Variants in RADIL observed in about 807,000 individuals in gnomAD.
RADIL encodes Rap associating with DIL domain, also known as ras-associating and dilute domain-containing protein.
A neutral mutation model predicts 97.6 loss-of-function variants in RADIL; 99 were observed. The ratio of observed to expected loss-of-function variants is 1.01; its 90% CI spans 0.86 to 1.20. The LOEUF (loss-of-function observed/expected upper bound fraction) is 1.20, where lower values mean the gene tolerates loss of function less well. Ranked by LOEUF, RADIL falls within the 50% of genes most tolerant of loss-of-function variation. RADIL has a pLI of 0.00. For missense variants in RADIL, 1,765 were observed against 1,498.9 expected (o/e 1.18, Z -2.93); for synonymous variants, 803 against 691.8 (o/e 1.16, Z -2.52).
rs1362984892 is a variant in RADIL at position 4,835,630 on chromosome 7, A to C, written c.784-391T>G. On this transcript the variant is annotated intron_variant, in intron 3 of 14. Coordinates refer to ENST00000399583, the MANE Select transcript of RADIL (RefSeq NM_018059.5). The surrounding 1 kb of genome is among the most constrained non-coding windows in gnomAD (Gnocchi z 5.8). ...CCGCCTGTGTGGGAGCACCACCCCC[A>C]GTGTGGGAGCACTGCCGCCTGTGTG... Among the ~76,000 whole-genome samples the C allele has an allele frequency of 6.6e-6, 1 of 151,190 alleles. No individual in the cohort carries two copies. The highest frequency in any genetic ancestry group is 2.4e-5 in the African/African-American group (1 of 40,848).
chr7:4,849,728 G>A lies in RADIL; in HGVS notation c.536-13123C>T, dbSNP rs577363500. On this transcript the variant is annotated intron_variant, in intron 2 of 14. Transcript: ENST00000399583. The surrounding 1 kb of genome is among the most constrained non-coding windows in gnomAD (Gnocchi z 5.4). Reference sequence around the variant, plus strand: ...TGTGTGGGGAGTGTGGACAGGGACGGCTCTCATTTGAAAAGACTTAGAATC... The same window carrying A: ...TGTGTGGGGAGTGTGGACAGGGACGACTCTCATTTGAAAAGACTTAGAATC... 6.6e-6 allele frequency among the ~76,000 whole-genome samples: 1 copy of A among 152,226 alleles called. No homozygotes were observed. The highest frequency in any genetic ancestry group is 6.5e-5 in the Admixed American group (1 of 15,284).
chr7:4,878,271 C>G lies in RADIL; in HGVS notation c.-64-68G>C. Reference sequence around the variant, plus strand: ...CACCAAGAGCAAATGAGGCCACAGGCGGTGACTCCTGCCCGTCATCCCAGC... The same window carrying G: ...CACCAAGAGCAAATGAGGCCACAGGGGGTGACTCCTGCCCGTCATCCCAGC... On this transcript the variant is annotated intron_variant, in intron 1 of 14. Transcript: ENST00000399583. The surrounding 1 kb of genome is among the most constrained non-coding windows in gnomAD (Gnocchi z 4.1). The G allele has an allele frequency of 1.9e-6, 2 of 1,033,806 alleles. No homozygotes were observed. The highest frequency in any genetic ancestry group is 2.7e-6 in the Non-Finnish European group (2 of 736,720). The allele number at this position is 1,033,806 out of a possible 1,614,324, so 64.0% of individuals were successfully genotyped here. A position where few individuals can be genotyped will look rare whatever the true frequency, so the allele number is the denominator to read the frequency against.
At chr7:4,844,698 G>A (rs1399823624) in intron 2 of RADIL, among the ~76,000 whole-genome samples, 1 of 151,956 alleles carries the variant, frequency 6.6e-6, no homozygotes, top group Non-Finnish European at 1.5e-5. Flanking sequence ...CCACCTAACT[G>A]GGCTCAAGCA....
At chr7:4,864,592 G>A (rs933050094) in intron 2 of RADIL, among the ~76,000 whole-genome samples, 6 of 152,160 alleles carry the variant, frequency 3.9e-5, no homozygotes, top group Non-Finnish European at 7.3e-5. Flanking sequence ...TTCTCTCTCA[G>A]TAGTCTCCAT....
rs551110200 is a variant in RADIL at position 4,830,182 on chromosome 7, G to A, written c.1454+1959C>T. On this transcript the variant is annotated intron_variant, in intron 5 of 14. Transcript: ENST00000399583. ...CCATATCACAGACACTGTGCTAGGTGCTTTTTCCCAACATTGTCTTGGATT... is the reference window on the plus strand; with the variant it reads ...CCATATCACAGACACTGTGCTAGGTACTTTTTCCCAACATTGTCTTGGATT... Among the ~76,000 whole-genome samples, 9 of 152,330 alleles carry A rather than the reference G, an allele frequency of 5.9e-5. No individual in the cohort carries two copies. In the South Asian group the frequency reaches 1.9e-3, roughly 32 times the overall value.
chr7:4,814,084 C>G lies in RADIL; in HGVS notation c.2139+1194G>C, dbSNP rs1363768751. On this transcript the variant is annotated intron_variant, in intron 9 of 14. Transcript: ENST00000399583. The surrounding 1 kb of genome is among the most constrained non-coding windows in gnomAD (Gnocchi z 4.5). ...CATGAGCCACCGTGCCTGGCCGAGT[C>G]AGCTTTCTTCAATCTGCTAAGGCAG... is the stretch of plus-strand genomic sequence containing the variant. 6.6e-6 allele frequency among the ~76,000 whole-genome samples: 1 copy of G among 152,150 alleles called. No individual in the cohort carries two copies. The highest frequency in any genetic ancestry group is 1.5e-5 in the Non-Finnish European group (1 of 68,034).
At chr7:4,804,357 C>G (rs1341163277) in intron 10 of RADIL, among the ~76,000 whole-genome samples, 1 of 152,250 alleles carries the variant, frequency 6.6e-6, no homozygotes, top group African/African-American at 2.4e-5. Flanking sequence ...GAGATGTTCT[C>G]CACGGTGACC....
intron 2 of RADIL, chr7:4,860,164 A>C: frequency 9.9e-6 from 16 of 1,614,006 alleles, no homozygotes; most frequent in Non-Finnish European, 1.4e-5. Context: ...GAGAACTGCT[A>C]ATCAATGGGC....
intron 9 of RADIL, among the ~76,000 whole-genome samples, chr7:4,812,994 ACT>A (rs1428700940): frequency 1.3e-5 from 2 of 152,174 alleles, no homozygotes; most frequent in East Asian, 3.9e-4. Flanking sequence ...TTGCCAATGA[ACT>A]TAATGCTGAG....
intron 9 of RADIL, among the ~76,000 whole-genome samples, chr7:4,812,535 C>T (rs959252056): frequency 7.9e-5 from 12 of 152,308 alleles, no homozygotes; most frequent in Non-Finnish European, 1.5e-4. Flanking sequence ...GATTCTCCTG[C>T]CTCAGCCTCC....
chr7:4,853,124 T>A (rs4720431), intron 2 of RADIL, among the ~76,000 whole-genome samples: 1 of 151,852 alleles, frequency 6.6e-6, no homozygotes, highest in Non-Finnish European at 1.5e-5. Flanking sequence ...TGGGTGTAGC[T>A]ATGGATCACT....
At chr7:4,820,703 C>T (rs919054761) in intron 6 of RADIL, among the ~76,000 whole-genome samples, 9 of 152,152 alleles carry the variant, frequency 5.9e-5, no homozygotes, top group African/African-American at 1.7e-4. Context: ...CCCCCAGGAG[C>T]GGGGGCCCCA....
At position 4,832,098 on chromosome 7, in the gene RADIL, A is replaced by G. The variant is rs751542797; in HGVS notation, c.1454+43T>C. 50 of 1,605,402 alleles carry G rather than the reference A, an allele frequency of 3.1e-5. No homozygotes were observed. In the African/African-American group the frequency reaches 5.9e-4, roughly 19 times the overall value. The stretch of plus-strand genomic sequence containing the variant: ...CCCCCGGGAAGTGTGAGCCCCCAGG[A>G]CCTGCTGCCCAGAGGCGGGCACAAT... On this transcript the variant is annotated intron_variant, in intron 5 of 14. Transcript: ENST00000399583.
chr7:4,813,866 T>C lies in RADIL; in HGVS notation c.2139+1412A>G, dbSNP rs1349684831. On this transcript the variant is annotated intron_variant, in intron 9 of 14. Coordinates refer to ENST00000399583, the MANE Select transcript of RADIL (RefSeq NM_018059.5). This position sits in a 1 kb window ranked among gnomAD's most constrained non-coding sequence, Gnocchi z 5.0. ...TTTTAGCCCCATCTTGACATCGGTGTCCAGAGGTACCTGGTGCCACCAATT... is the reference window on the plus strand; with the variant it reads ...TTTTAGCCCCATCTTGACATCGGTGCCCAGAGGTACCTGGTGCCACCAATT... Among the ~76,000 whole-genome samples the C allele has an allele frequency of 6.6e-6, 1 of 152,214 alleles. No homozygotes were observed. The highest frequency in any genetic ancestry group is 1.5e-5 in the Non-Finnish European group (1 of 68,038).
intron 5 of RADIL, among the ~76,000 whole-genome samples, chr7:4,827,273 G>C (rs560629093): frequency 1.3e-5 from 2 of 151,996 alleles, no homozygotes; most frequent in African/African-American, 4.8e-5. Context: ...GCTGAGGCAG[G>C]AGAATCGCTT....
In RADIL at chr7:4,880,711, A is replaced by G. The variant is rs1784465829; in HGVS notation, c.-64-2508T>C. Among the ~76,000 whole-genome samples, 2 of 152,242 alleles carry G rather than the reference A, an allele frequency of 1.3e-5. No homozygotes were observed. The highest frequency in any genetic ancestry group is 6.5e-5 in the Admixed American group (1 of 15,286). On this transcript the variant is annotated intron_variant, in intron 1 of 14. Coordinates refer to ENST00000399583, the MANE Select transcript of RADIL (RefSeq NM_018059.5). The surrounding 1 kb of genome is among the most constrained non-coding windows in gnomAD (Gnocchi z 4.5). Reference sequence around the variant, plus strand: ...GGTGGATGGTACAGCCTCTGCCACCAGGCAGCTGTGGCTCAGGAAACCTCT... The same window carrying G: ...GGTGGATGGTACAGCCTCTGCCACCGGGCAGCTGTGGCTCAGGAAACCTCT...
intron 2 of RADIL, among the ~76,000 whole-genome samples, chr7:4,871,978 T>G (rs755112714): frequency 6.6e-6 from 1 of 152,074 alleles, no homozygotes; most frequent in Non-Finnish European, 1.5e-5. Flanking sequence ...GATGTCCCTG[T>G]CTCCAGGAAC....
chr7:4,844,338 G>A (rs573816057), intron 2 of RADIL, among the ~76,000 whole-genome samples: 34 of 151,922 alleles, frequency 2.2e-4, no homozygotes, highest in African/African-American at 6.5e-4. Context: ...CCAGCTACTC[G>A]GGAGGCTGAG....
In RADIL at chr7:4,834,781, C is replaced by A; in HGVS notation, c.1242G>T (p.Glu414Asp). 1 of 1,371,914 alleles carries A rather than the reference C, an allele frequency of 7.3e-7. No individual in the cohort carries two copies. The highest frequency in any genetic ancestry group is 9.5e-7 in the Non-Finnish European group (1 of 1,056,612). 85.0% of individuals were successfully genotyped at this position (1,371,914 alleles called of 1,614,324 possible). The part of the protein sequence containing the change: ...QLLLEFEPHL[E>D]DTLLQRIMTL... ...TCATGATCCTCTGCAGCAGCGTGTCCTCCAGGTGGGGCTCAAACTCCAGGA... is the reference window on the plus strand; with the variant it reads ...TCATGATCCTCTGCAGCAGCGTGTCATCCAGGTGGGGCTCAAACTCCAGGA... Residue 414 changes from glutamate to aspartate, a missense_variant, in exon 4 of 15, where the codon GAG (glutamate) becomes GAT (aspartate). Coordinates refer to ENST00000399583, the MANE Select transcript of RADIL (RefSeq NM_018059.5). The surrounding 1 kb of genome is among the most constrained non-coding windows in gnomAD (Gnocchi z 6.0).
Sources: gnomAD v4.1 joint callset for allele counts (sites outside exome capture counted in the v4.1 genomes callset) on GRCh38, gnomAD v4.1.1 for gene constraint, Gnocchi (gnomAD v3.1) non-coding constraint, MANE v1.5 for transcripts, NCBI Gene and HGNC (gene_info 2026-07-23, HGNC 2026-07-21) for gene names.